ANO3: variants seen among roughly 807,000 people sequenced by gnomAD.
ANO3 encodes anoctamin-3.
Under a neutral mutation model 144.8 loss-of-function variants are expected in ANO3, and 99 were observed. That is an observed-to-expected ratio of 0.68 (90% CI 0.58 to 0.81). ANO3 has a LOEUF of 0.81. Ranked by LOEUF, ANO3 falls within the 30% of genes least tolerant of loss-of-function variation. The pLI, the probability that ANO3 is intolerant of heterozygous loss-of-function variation, is 0.00. For synonymous variants in ANO3, 414 were observed against 392.6 expected (o/e 1.05, Z -0.64); for missense variants, 905 against 1,202.2 (o/e 0.75, Z 3.66).
At chr11:26,587,661 G>A (rs980519339) in intron 14 of ANO3, among the ~76,000 whole-genome samples, 9 of 152,106 alleles carry the variant, frequency 5.9e-5, no homozygotes, top group Non-Finnish European at 4.4e-5. Flanking sequence ...AAGCACGAGA[G>A]TTAAAAAGGT....
Position 26,495,756 on chromosome 11 carries a change from C to A in ANO3, c.433-12348C>A, listed in dbSNP as rs1279972352. Among the ~76,000 whole-genome samples, 3 of 152,164 alleles carry A rather than the reference C, an allele frequency of 2.0e-5. No individual in the cohort carries two copies. The East Asian group carries it at 5.8e-4, about 29-fold the overall frequency. ...CAAACGTAAGGAACACAGCCTAGGG[C>A]TCATCTTTTCTGTGGAAGCCAATAC... is the stretch of plus-strand genomic sequence containing the variant. On this transcript the variant is annotated intron_variant, in intron 4 of 26. Transcript: ENST00000256737.
chr11:26,500,198 G>A lies in ANO3; in HGVS notation c.433-7906G>A, dbSNP rs143819759. Among the ~76,000 whole-genome samples the A allele has an allele frequency of 4.9e-4, 75 of 152,082 alleles. 1 individual carries two copies. In the East Asian group the frequency reaches 0.014, roughly 29 times the overall value. ...TAGATATATGTGCCACATTATTTATGTATTAAGCTGATAGGCTTTTTGATT... is the reference window on the plus strand; with the variant it reads ...TAGATATATGTGCCACATTATTTATATATTAAGCTGATAGGCTTTTTGATT... On this transcript the variant is annotated intron_variant, in intron 4 of 26. Transcript: ENST00000256737.
intron 1 of ANO3, among the ~76,000 whole-genome samples, chr11:26,425,264 T>C (rs1421559520): frequency 6.6e-6 from 1 of 152,122 alleles, no homozygotes; most frequent in Non-Finnish European, 1.5e-5. Context: ...TCCCCACTCC[T>C]AGGGTTATCT....
At chr11:26,359,144 C>G (rs140176392) in intron 1 of ANO3, among the ~76,000 whole-genome samples, 2 of 152,182 alleles carry the variant, frequency 1.3e-5, no homozygotes, top group African/African-American at 4.8e-5. Context: ...AGCAGTTTTA[C>G]CTTGTAGAAT....
At chr11:26,274,959 A>G (rs1853525330) in intron 1 of ANO3, among the ~76,000 whole-genome samples, 1 of 151,926 alleles carries the variant, frequency 6.6e-6, no homozygotes, top group Non-Finnish European at 1.5e-5. Flanking sequence ...ACAAATATAT[A>G]TTAATTTTTT....
intron 24 of ANO3, among the ~76,000 whole-genome samples, chr11:26,652,786 C>T (rs1224882495): frequency 2.6e-5 from 4 of 152,214 alleles, no homozygotes; most frequent in Non-Finnish European, 5.9e-5. Context: ...CTTTTAAACT[C>T]TCTTCGATAA....
intron 14 of ANO3, chr11:26,563,131 C>T (rs746575838): frequency 1.7e-5 from 27 of 1,611,540 alleles, no homozygotes; most frequent in African/African-American, 2.7e-5. Context: ...TCATTTCTGT[C>T]GTCATAAAGT....
chr11:26,519,838 T>C (rs1019805799), intron 6 of ANO3, among the ~76,000 whole-genome samples: 10 of 152,188 alleles, frequency 6.6e-5, no homozygotes, highest in Admixed American at 5.9e-4. Flanking sequence ...GTTTCAAAAA[T>C]AGCTTTTCTT....
At chr11:26,624,813 A>G (rs1234040497) in intron 18 of ANO3, among the ~76,000 whole-genome samples, 1 of 152,164 alleles carries the variant, frequency 6.6e-6, no homozygotes, top group Non-Finnish European at 1.5e-5. Context: ...GTTATACTAC[A>G]TGTACACTTT....
At chr11:26,362,991 T>G (rs904144082) in intron 1 of ANO3, among the ~76,000 whole-genome samples, 4 of 152,202 alleles carry the variant, frequency 2.6e-5, no homozygotes, top group Non-Finnish European at 4.4e-5. Flanking sequence ...ACCATATAAC[T>G]GGATATTTAT....
chr11:26,547,869 A>AG (rs1232193171), intron 12 of ANO3, among the ~76,000 whole-genome samples: 2 of 152,062 alleles, frequency 1.3e-5, no homozygotes, highest in African/African-American at 4.8e-5. Context: ...TTGTTAGTCT[A>AG]GAATGCCCTC....
At position 26,228,823 on chromosome 11, in the gene ANO3, G is replaced by T. The variant is rs552741592; in HGVS notation, c.154+39493G>T. Among the ~76,000 whole-genome samples the T allele has an allele frequency of 8.5e-5, 13 of 152,330 alleles. No homozygotes were observed. The East Asian group carries it at 2.1e-3, about 25-fold the overall frequency. On this transcript the variant is annotated intron_variant, in intron 1 of 27. Transcript: ENST00000672621. ...AATCCTAGAAAGATGAACAGCTGAA[G>T]ACCCACTGCCAATAGATAGCACTTG...
At chr11:26,525,282 G>C (rs916501244) in intron 6 of ANO3, among the ~76,000 whole-genome samples, 1 of 151,940 alleles carries the variant, frequency 6.6e-6, no homozygotes, top group Non-Finnish European at 1.5e-5. Context: ...AATGGAAGGA[G>C]GGATGGATGG....
At chr11:26,307,850 C>T (rs927147677), upstream of ANO3, among the ~76,000 whole-genome samples, 13 of 151,902 alleles carry the variant, frequency 8.6e-5, no homozygotes, top group Admixed American at 2.0e-4. Context: ...TATAATTATG[C>T]CTTTTCTGCA....
At chr11:26,212,361 T>C (rs1408546559) in intron 1 of ANO3, among the ~76,000 whole-genome samples, 1 of 150,134 alleles carries the variant, frequency 6.7e-6, no homozygotes, top group Admixed American at 6.7e-5. Context: ...TGTTTTTTTT[T>C]CAAAGATTAA....
chr11:26,215,235 A>G (rs1852013682), intron 1 of ANO3, among the ~76,000 whole-genome samples: 1 of 152,012 alleles, frequency 6.6e-6, no homozygotes, highest in African/African-American at 2.4e-5. Context: ...TTGACCTAGT[A>G]GTAGCAAGAG....
chr11:26,229,197 C>T (rs1269654656), intron 1 of ANO3, among the ~76,000 whole-genome samples: 4 of 152,104 alleles, frequency 2.6e-5, no homozygotes, highest in Non-Finnish European at 1.5e-5. Context: ...TTCCTTCTGC[C>T]AAGAATTCTC....
At chr11:26,460,424 G>T (rs1238197246) in intron 3 of ANO3, among the ~76,000 whole-genome samples, 2 of 51,854 alleles carry the variant, frequency 3.9e-5, no homozygotes, top group East Asian at 7.1e-4. Context: ...AAGAAAGGGG[G>T]GGGGGCGGGC....
chr11:26,616,188 A>G (rs1017621554), intron 17 of ANO3, among the ~76,000 whole-genome samples: 1 of 152,204 alleles, frequency 6.6e-6, no homozygotes, highest in African/African-American at 2.4e-5. Context: ...GTAGTGAAGT[A>G]TAAAAATGTT....
Sources: allele counts gnomAD v4.1 joint callset (sites outside exome capture counted in the v4.1 genomes callset), GRCh38; gene constraint gnomAD v4.1.1; transcripts MANE v1.5; gene names NCBI Gene and HGNC (gene_info 2026-07-23, HGNC 2026-07-21).